The following TSHZ3 variants were observed in gnomAD, a reference collection of about 807,000 sequenced individuals.
TSHZ3 encodes teashirt homolog 3.
Under a neutral mutation model 64.5 loss-of-function variants are expected in TSHZ3, and 10 were observed. That is an observed-to-expected ratio of 0.16 (90% CI 0.10 to 0.26). The LOEUF is 0.26. TSHZ3 is among the 10% of genes least tolerant of loss of function. TSHZ3 has a pLI of 1.00. For missense variants in TSHZ3, 1,242 were observed against 1,421.7 expected (o/e 0.87, Z 2.03); for synonymous variants, 608 against 593.1 (o/e 1.03, Z -0.36).
intron 1 of TSHZ3, among the ~76,000 whole-genome samples, chr19:31,318,719 T>C (rs1175148165): frequency 1.3e-5 from 2 of 152,202 alleles, no homozygotes. Flanking sequence ...TGAAAAACAA[T>C]TATGATAAAA....
chr19:31,207,408 G>A (rs760499354), intron 4 of TSHZ3: 12 of 152,076 alleles, frequency 7.9e-5, no homozygotes, highest in Non-Finnish European at 1.5e-4. Context: ...TTTTATCAAT[G>A]TTGTGAAGTA....
intron 5 of TSHZ3, among the ~76,000 whole-genome samples, chr19:31,179,828 A>T (rs199782590): frequency 6.1e-4 from 90 of 147,230 alleles, no homozygotes; most frequent in Non-Finnish European, 1.1e-3. Flanking sequence ...GTGATGATGG[A>T]GGTGGTGGTG....
intron 1 of TSHZ3, among the ~76,000 whole-genome samples, chr19:31,334,124 A>G (rs1917174058): frequency 6.6e-6 from 1 of 152,148 alleles, no homozygotes; most frequent in African/African-American, 2.4e-5. Flanking sequence ...TTGTTCTATT[A>G]GTTATTCACC....
At chr19:31,184,401 G>A (rs1159090575) in intron 5 of TSHZ3, among the ~76,000 whole-genome samples, 1 of 152,140 alleles carries the variant, frequency 6.6e-6, no homozygotes, top group East Asian at 1.9e-4. Flanking sequence ...TTAAATGTGT[G>A]TGAAACATTT....
intron 1 of TSHZ3, among the ~76,000 whole-genome samples, chr19:31,294,686 T>C (rs1976632909): frequency 6.6e-6 from 1 of 152,244 alleles, no homozygotes; most frequent in African/African-American, 2.4e-5. Context: ...AACCAATATA[T>C]AATCTATTGA....
chr19:31,171,740 T>C (rs1974537415), intron 5 of TSHZ3, among the ~76,000 whole-genome samples: 1 of 151,288 alleles, frequency 6.6e-6, no homozygotes. Flanking sequence ...GGGGTAGGAG[T>C]GGATTTTTTT....
At chr19:31,192,625 T>C (rs1974927783) in intron 5 of TSHZ3, among the ~76,000 whole-genome samples, 1 of 152,220 alleles carries the variant, frequency 6.6e-6, no homozygotes, top group African/African-American at 2.4e-5. Flanking sequence ...GTATTTCTTA[T>C]TTTTATCATC....
At chr19:31,210,674 C>G (rs947049619) in intron 4 of TSHZ3, among the ~76,000 whole-genome samples, 1 of 152,108 alleles carries the variant, frequency 6.6e-6, no homozygotes, top group Non-Finnish European at 1.5e-5. Context: ...AAAACCTGCA[C>G]GATTTTCAAC....
chr19:31,228,465 A>G (rs1037141966), intron 3 of TSHZ3, among the ~76,000 whole-genome samples: 4 of 148,840 alleles, frequency 2.7e-5, no homozygotes, highest in Admixed American at 6.7e-5. Context: ...GGCAGAGGTT[A>G]TGGTGAGTTG....
At chr19:31,190,673 A>C in intron 5 of TSHZ3, among the ~76,000 whole-genome samples, 1 of 152,202 alleles carries the variant, frequency 6.6e-6, no homozygotes, top group African/African-American at 2.4e-5. Context: ...CAAAGAAAGA[A>C]TATTTTACCT....
At chr19:31,152,375 GCTGA>G (rs1316678855) in intron 6 of TSHZ3, among the ~76,000 whole-genome samples, 3 of 151,800 alleles carry the variant, frequency 2.0e-5, no homozygotes, top group Non-Finnish European at 4.4e-5. Flanking sequence ...TTTCCTTTTC[GCTGA>G]CTATTCAGAG....
At chr19:31,175,917 G>A (rs1289421324) in intron 5 of TSHZ3, among the ~76,000 whole-genome samples, 1 of 152,236 alleles carries the variant, frequency 6.6e-6, no homozygotes, top group Non-Finnish European at 1.5e-5. Flanking sequence ...TGGGAATCAA[G>A]AAGATGGAGA....
chr19:31,150,767 T>C (rs1974228151), exon 7 of TSHZ3, among the ~76,000 whole-genome samples: 1 of 152,168 alleles, frequency 6.6e-6, no homozygotes, highest in African/African-American at 2.4e-5. Context: ...AAGCAAGGAA[T>C]GGGCGTTGGG....
intron 1 of TSHZ3, among the ~76,000 whole-genome samples, chr19:31,261,440 G>T (rs1041683580): frequency 6.6e-6 from 1 of 152,162 alleles, no homozygotes; most frequent in Non-Finnish European, 1.5e-5. Context: ...CCCAAGGAAG[G>T]AATAAAGAAG....
intron 1 of TSHZ3, among the ~76,000 whole-genome samples, chr19:31,345,035 AGAT>A (rs1917543875): frequency 6.6e-6 from 1 of 152,214 alleles, no homozygotes. Flanking sequence ...ACAGCTGTCA[AGAT>A]AATGGGGGCA....
At chr19:31,259,790 T>C (rs748835656) in intron 1 of TSHZ3, among the ~76,000 whole-genome samples, 2 of 152,148 alleles carry the variant, frequency 1.3e-5, no homozygotes, top group Non-Finnish European at 2.9e-5. Context: ...GGTGGTTCTT[T>C]TGTGATCCAT....
intron 5 of TSHZ3, among the ~76,000 whole-genome samples, chr19:31,183,224 CTCTT>C (rs57554380): frequency 0.14 from 3,490 of 25,090 alleles, 45 homozygotes; most frequent in South Asian, 0.18. Context: ...CTCTCTCTCT[CTCTT>C]TCTCTCTCTC....
chr19:31,264,715 T>TC (rs1976025804), intron 1 of TSHZ3, among the ~76,000 whole-genome samples: 1 of 151,956 alleles, frequency 6.6e-6, no homozygotes, highest in South Asian at 2.1e-4. Flanking sequence ...TTTTTCTTTT[T>TC]TTTTTTTTTT....
intron 4 of TSHZ3, among the ~76,000 whole-genome samples, chr19:31,224,685 C>G (rs1271672151): frequency 6.6e-6 from 1 of 152,176 alleles, no homozygotes; most frequent in Non-Finnish European, 1.5e-5. Context: ...CATTGCTATT[C>G]AGCAGCCCCA....
Sources: gnomAD v4.1 joint callset for allele counts (sites outside exome capture counted in the v4.1 genomes callset) on GRCh38, gnomAD v4.1.1 for gene constraint, MANE v1.5 for transcripts, NCBI Gene and HGNC (gene_info 2026-07-23, HGNC 2026-07-21) for gene names.